Variants in TRAPPC12 observed in about 807,000 individuals in gnomAD.
TRAPPC12 encodes trafficking protein particle complex subunit 12.
Under a neutral mutation model 69.2 loss-of-function variants are expected in TRAPPC12, and 61 were observed. The ratio of observed to expected loss-of-function variants is 0.88; its 90% confidence interval spans 0.72 to 1.09. TRAPPC12 has a LOEUF of 1.09. Ranked by LOEUF, TRAPPC12 falls within the 50% of genes least tolerant of loss-of-function variation. The probability of loss-of-function intolerance (pLI) is 0.00; values close to 1 mark genes in which losing one functional copy is unlikely to be tolerated. For synonymous variants in TRAPPC12, 469 were observed against 438.9 expected (o/e 1.07, Z -0.86); for missense variants, 1,101 against 1,016.4 (o/e 1.08, Z -1.13).
intron 3 of TRAPPC12, among the ~76,000 whole-genome samples, chr2:3,415,074 T>G (rs897985720): frequency 2.0e-5 from 3 of 152,130 alleles, no homozygotes; most frequent in African/African-American, 4.8e-5. Context: ...CCCCGGCAGA[T>G]AGAGGGTCTG....
At position 3,478,875 on chromosome 2, in the gene TRAPPC12, T is replaced by A; in HGVS notation, c.1907T>A (p.Phe636Tyr). The change falls in exon 11 of 12, where the codon TTT becomes TAT. Residue 636 changes from phenylalanine to tyrosine, a missense_variant. Coordinates refer to ENST00000324266, the MANE Select transcript of TRAPPC12 (RefSeq NM_016030.6). ...SAFLHLGQNN[F>Y]AEAHRFFTEI... Reference sequence around the variant, plus strand: ...TTCCTTCACCTCGGGCAGAATAACTTTGCAGAAGCCCACAGGTTCTTCACA... The same window carrying A: ...TTCCTTCACCTCGGGCAGAATAACTATGCAGAAGCCCACAGGTTCTTCACA... 1 of 1,614,148 alleles carries A rather than the reference T, an allele frequency of 6.2e-7. No homozygotes were observed. The highest frequency in any genetic ancestry group is 8.5e-7 in the Non-Finnish European group (1 of 1,180,028).
rs574995784 is a variant in TRAPPC12, at chr2:3,431,659, G to A, written c.1417+6996G>A. On this transcript the variant is annotated intron_variant, in intron 5 of 11. Transcript: ENST00000324266. ...TGTTTCTCCCATTATAGGGTTTGCA[G>A]TCATGAAAAGTGTTGATAGGGATTA... 2.7e-4 allele frequency among the ~76,000 whole-genome samples: 41 copies of A among 151,930 alleles called. No homozygotes were observed. In the Middle Eastern group the frequency reaches 0.01, roughly 38 times the overall value.
chr2:3,468,160 G>A (rs1028107368), intron 9 of TRAPPC12, among the ~76,000 whole-genome samples: 4 of 152,018 alleles, frequency 2.6e-5, no homozygotes, highest in Non-Finnish European at 4.4e-5. Flanking sequence ...TTGACCTCTC[G>A]TGGGCTGTTC....
rs567426911 is a variant in TRAPPC12 at position 3,434,224 on chromosome 2, G to A, written c.1418-9555G>A. Among the ~76,000 whole-genome samples the A allele has an allele frequency of 9.2e-5, 14 of 152,326 alleles. No homozygotes were observed. In the East Asian group the frequency reaches 9.6e-4, roughly 10 times the overall value. On this transcript the variant is annotated intron_variant, in intron 5 of 11. Transcript: ENST00000324266. ...CCCAGTGCAGGCCCTCCTGCGCAGC[G>A]CTAGGAGCTGCTGAGTAAATGTCAG... is the stretch of plus-strand genomic sequence containing the variant.
At chr2:3,444,899 G>C (rs1483988574) in intron 6 of TRAPPC12, among the ~76,000 whole-genome samples, 1 of 152,126 alleles carries the variant, frequency 6.6e-6, no homozygotes, top group Non-Finnish European at 1.5e-5. Flanking sequence ...TTTGCTTTCT[G>C]TACTATATCA....
chr2:3,387,995 AC>A lies in TRAPPC12; in HGVS notation c.375del (p.Ser126ValfsTer55). The A allele has an allele frequency of 6.8e-7, 1 of 1,472,072 alleles. No individual in the cohort carries two copies. Among genetic ancestry groups the A allele is most frequent in the South Asian group, 1.3e-5 (1 of 75,446 alleles). 91.2% of individuals were successfully genotyped at this position (1,472,072 alleles called of 1,614,324 possible). A position where few individuals can be genotyped will look rare whatever the true frequency, so the allele number is the denominator to read the frequency against. On this transcript the variant is annotated frameshift_variant, in exon 2 of 12. Transcript: ENST00000324266. LOFTEE classifies it high-confidence loss of function. ...DGDCAPEDAA[P>X]SSGGAPRQDA... The stretch of plus-strand genomic sequence containing the variant: ...GCGACTGTGCCCCCGAGGACGCGGC[AC>A]CCAGTAGCGGAGGGGCCCCGAGGCA...
Position 3,388,667 on chromosome 2 carries a change from C to G in TRAPPC12, c.1044C>G (p.Ile348Met), listed in dbSNP as rs1163374947. The change falls in exon 2 of 12, where the codon ATC becomes ATG. Residue 348 changes from isoleucine (I) to methionine (M), a missense_variant. By Grantham distance (10) the Ile-to-Met change is conservative. Transcript: ENST00000324266. Reference sequence around the variant, plus strand: ...TGCCGGGCCTCAGGTTCGACAACATCCAGGTGAGCCCGGGTCTCCCACCTC... The same window carrying G: ...TGCCGGGCCTCAGGTTCGACAACATGCAGGTGAGCCCGGGTCTCCCACCTC... ...LTMPGLRFDNIQGDAVKDLML... is the reference protein window; with the variant it reads ...LTMPGLRFDNMQGDAVKDLML... 3 of 1,544,758 alleles carry G rather than the reference C, an allele frequency of 1.9e-6. No individual in the cohort carries two copies. The highest frequency in any genetic ancestry group is 2.6e-6 in the Non-Finnish European group (3 of 1,142,050).
rs961953105 is a variant in TRAPPC12, at chr2:3,392,685, G to A, written c.1047+4015G>A. ...CTGTTAACCGAAAACTCTGGAGACA[G>A]CAAGAGTTGGTGAGGGTGTGGAGAA... On this transcript the variant is annotated intron_variant, in intron 2 of 11. Coordinates refer to ENST00000324266, the MANE Select transcript of TRAPPC12 (RefSeq NM_016030.6). 5.3e-5 allele frequency among the ~76,000 whole-genome samples: 8 copies of A among 152,232 alleles called. No individual in the cohort carries two copies. The South Asian group carries it at 6.2e-4, about 12-fold the overall frequency.
Position 3,387,913 on chromosome 2 carries a change from A to C in TRAPPC12, c.290A>C (p.Glu97Ala), listed in dbSNP as rs201277240. 6.5e-7 allele frequency: 1 copy of C among 1,538,370 alleles called. No individual in the cohort carries two copies. Among genetic ancestry groups the C allele is most frequent in the African/African-American group, 1.4e-5 (1 of 71,746 alleles). Residue 97 changes from glutamate (E) to alanine (A), a missense_variant, in exon 2 of 12, where the codon GAA (glutamate) becomes GCA (alanine). Physicochemically the swap from Glu to Ala is moderately radical, Grantham distance 107. Transcript: ENST00000324266. The stretch of plus-strand genomic sequence containing the variant: ...CGGGACGAAGCTGAGCCCGGAGGGG[A>C]AGGCGACCCAGGCCCGGAGCCCGCG... ...RVRDEAEPGG[E>A]GDPGPEPAGT... is the part of the protein sequence containing the mutation.
At chr2:3,435,233 C>G (rs1663690606) in intron 5 of TRAPPC12, among the ~76,000 whole-genome samples, 1 of 152,258 alleles carries the variant, frequency 6.6e-6, no homozygotes, top group African/African-American at 2.4e-5. Context: ...AGGCTGGTCT[C>G]TAACTTCCAG....
Position 3,479,483 on chromosome 2 carries a change from AG to A in TRAPPC12, c.*23del. 6.2e-7 allele frequency: 1 copy of A among 1,611,684 alleles called. No homozygotes were observed. Among genetic ancestry groups the A allele is most frequent in the Non-Finnish European group, 8.5e-7 (1 of 1,178,738 alleles). On this transcript the variant is annotated 3_prime_UTR_variant, in exon 12 of 12. Coordinates refer to ENST00000324266, the MANE Select transcript of TRAPPC12 (RefSeq NM_016030.6). ...CTAGCTGCCTCCAACACACTACGTC[AG>A]AAGGACCCGGGTCTTTGAAACTGTG...
At chr2:3,463,466 G>A (rs1194533099) in intron 8 of TRAPPC12, among the ~76,000 whole-genome samples, 1 of 151,220 alleles carries the variant, frequency 6.6e-6, no homozygotes, top group Non-Finnish European at 1.5e-5. Context: ...CCTCTCACAC[G>A]GCTCCCAGGC....
rs545216674 is a variant in TRAPPC12, at chr2:3,391,853, C to T, written c.1047+3183C>T. 2.6e-5 allele frequency among the ~76,000 whole-genome samples: 4 copies of T among 152,246 alleles called. No homozygotes were observed. In the South Asian group the frequency reaches 8.3e-4, roughly 32 times the overall value. ...TCCCTTCTCTCTCGGGGTCTTTGTC[C>T]TCTCTGCTGTAAAATTCCTTTAACA... On this transcript the variant is annotated intron_variant, in intron 2 of 11. Coordinates refer to ENST00000324266, the MANE Select transcript of TRAPPC12 (RefSeq NM_016030.6).
In TRAPPC12 at chr2:3,420,776, G is replaced by A. The variant is rs551426101; in HGVS notation, c.1165-1105G>A. Reference sequence around the variant, plus strand: ...GCAGGTCCTGAGTTCTCTGTGTCCCGGCGTGGAGTGCAGGAGGCGTGGAAA... The same window carrying A: ...GCAGGTCCTGAGTTCTCTGTGTCCCAGCGTGGAGTGCAGGAGGCGTGGAAA... On this transcript the variant is annotated intron_variant, in intron 3 of 11. Coordinates refer to ENST00000324266, the MANE Select transcript of TRAPPC12 (RefSeq NM_016030.6). Among the ~76,000 whole-genome samples the A allele has an allele frequency of 1.1e-4, 16 of 152,302 alleles. No individual in the cohort carries two copies. The East Asian group carries it at 1.5e-3, about 15-fold the overall frequency.
At chr2:3,391,829 C>T (rs1399220998) in intron 2 of TRAPPC12, among the ~76,000 whole-genome samples, 1 of 152,092 alleles carries the variant, frequency 6.6e-6, no homozygotes, top group Non-Finnish European at 1.5e-5. Flanking sequence ...CATGTTTCTT[C>T]CCTTCTCTCT....
chr2:3,395,634 C>G (rs974434140), intron 2 of TRAPPC12, among the ~76,000 whole-genome samples: 1 of 148,806 alleles, frequency 6.7e-6, no homozygotes, highest in African/African-American at 2.5e-5. Flanking sequence ...ACAATCACAG[C>G]TCACTGCAAC....
intron 5 of TRAPPC12, among the ~76,000 whole-genome samples, chr2:3,440,189 C>T (rs1311346941): frequency 6.6e-6 from 1 of 152,170 alleles, no homozygotes; most frequent in East Asian, 1.9e-4. Context: ...TTTTCCTTCT[C>T]CATATTAACT....
chr2:3,430,688 T>A (rs911501358), intron 5 of TRAPPC12, among the ~76,000 whole-genome samples: 2 of 152,260 alleles, frequency 1.3e-5, no homozygotes, highest in Admixed American at 1.3e-4. Context: ...CCTTTTTTGT[T>A]CGCAACATGA....
chr2:3,385,109 AAT>A (rs1660433573), intron 1 of TRAPPC12, among the ~76,000 whole-genome samples: 1 of 152,144 alleles, frequency 6.6e-6, no homozygotes, highest in African/African-American at 2.4e-5. Context: ...GTAGCTTTAT[AAT>A]ATATGTATGT....
Sources: gnomAD v4.1 joint callset for allele counts (sites outside exome capture counted in the v4.1 genomes callset) on GRCh38, gnomAD v4.1.1 for gene constraint, MANE v1.5 for transcripts, NCBI Gene and HGNC (gene_info 2026-07-23, HGNC 2026-07-21) for gene names.